Variants in CEP128 observed in about 807,000 individuals in gnomAD.
The protein encoded by CEP128 is centrosomal protein 128, also known as centrosomal protein 128kDa.
CEP128 carries 132 observed loss-of-function variants against 156.7 expected under a neutral mutation model. That is an observed-to-expected ratio of 0.84 (90% confidence interval 0.73 to 0.97). The LOEUF (loss-of-function observed/expected upper bound fraction) is 0.97, where lower values mean the gene tolerates loss of function less well. Ranked by LOEUF, CEP128 falls within the 50% of genes least tolerant of loss-of-function variation. The pLI is 0.00. For missense variants in CEP128, 1,252 were observed against 1,281.9 expected (o/e 0.98, Z 0.36); for synonymous variants, 469 against 448.9 (o/e 1.04, Z -0.57).
At chr14:80,742,638 C>CACCCA (rs1240595117) in intron 19 of CEP128, 1 of 160,384 alleles carries the variant, frequency 6.2e-6, no homozygotes, top group Non-Finnish European at 1.4e-5. Context: ...TGTATATCTC[C>CACCCA]ACCCAATAAA....
intron 19 of CEP128, among the ~76,000 whole-genome samples, chr14:80,658,316 T>C (rs1178879480): frequency 1.3e-5 from 2 of 152,188 alleles, no homozygotes; most frequent in Admixed American, 1.3e-4. Context: ...TTTGTTGCTG[T>C]TGTTTTCAGG....
At chr14:80,832,792 T>C (rs1218002475) in intron 12 of CEP128, among the ~76,000 whole-genome samples, 1 of 152,250 alleles carries the variant, frequency 6.6e-6, no homozygotes, top group African/African-American at 2.4e-5. Flanking sequence ...AAGTAGCTAA[T>C]ACATCTCATA....
At chr14:80,676,928 T>A (rs1225402496) in intron 19 of CEP128, among the ~76,000 whole-genome samples, 1 of 152,164 alleles carries the variant, frequency 6.6e-6, no homozygotes, top group African/African-American at 2.4e-5. Flanking sequence ...ACATTTATGA[T>A]TGTGAATGAA....
At chr14:80,529,484 C>T (rs1405395747) in intron 22 of CEP128, among the ~76,000 whole-genome samples, 2 of 152,076 alleles carry the variant, frequency 1.3e-5, no homozygotes, top group Admixed American at 6.5e-5. Context: ...ACATTCTGTT[C>T]ATTGTAGACA....
chr14:80,860,864 G>A (rs1373762768), intron 9 of CEP128, among the ~76,000 whole-genome samples: 2 of 151,850 alleles, frequency 1.3e-5, no homozygotes, highest in Non-Finnish European at 1.5e-5. Context: ...AAAGATTAAC[G>A]ATCTACAAGC....
intron 11 of CEP128, 149 bp from the exon 12 acceptor site, chr14:80,836,486 A>T: frequency 1.3e-6 from 1 of 764,042 alleles, no homozygotes; most frequent in South Asian, 1.8e-5. Context: ...CATTCCTCTC[A>T]TCTCTTCCAC....
intron 3 of CEP128, among the ~76,000 whole-genome samples, chr14:80,915,529 T>C (rs571503334): frequency 6.6e-6 from 1 of 152,258 alleles, no homozygotes; most frequent in African/African-American, 2.4e-5. Context: ...TTTCTTTTTT[T>C]CCCCTATAGC....
chr14:80,614,935 T>G (rs1236632493), intron 19 of CEP128, among the ~76,000 whole-genome samples: 1 of 152,218 alleles, frequency 6.6e-6, no homozygotes, highest in South Asian at 2.1e-4. Context: ...GGTTATCAAA[T>G]GTACAGCTCA....
chr14:80,922,545 T>C (rs1884924779), intron 2 of CEP128, among the ~76,000 whole-genome samples: 1 of 152,212 alleles, frequency 6.6e-6, no homozygotes, highest in Non-Finnish European at 1.5e-5. Flanking sequence ...TATATTAATG[T>C]GTACCAACAT....
At position 80,899,839 on chromosome 14, in the gene CEP128, C is replaced by G. The variant is rs79886699; in HGVS notation, c.572+99G>C. ...AATTTTAAGGTACTGTATACAAACACAACATTTTTTAAAAATCTAGATAAA... is the reference window on the plus strand; with the variant it reads ...AATTTTAAGGTACTGTATACAAACAGAACATTTTTTAAAAATCTAGATAAA... On this transcript the variant is annotated intron_variant, in intron 7 of 24. Transcript: ENST00000555265. 6.2e-3 allele frequency: 5,269 copies of G among 850,070 alleles called. 23 individuals are homozygous for G. Among genetic ancestry groups the G allele is most frequent in the Non-Finnish European group, 8.3e-3 (4,383 of 525,700 alleles). The allele number at this position is 850,070 out of a possible 1,614,324, so 52.7% of individuals were successfully genotyped here.
Position 80,728,217 on chromosome 14 carries a change from T to C in CEP128, c.2806+14858A>G, listed in dbSNP as rs537739501. ...TCCTTTGCAGCAACATGTATGCAGC[T>C]AGAGGCTGTAATCCTAAATTATCCT... On this transcript the variant is annotated intron_variant, in intron 19 of 24. Transcript: ENST00000555265. Among the ~76,000 whole-genome samples, 3 of 152,346 alleles carry C rather than the reference T, an allele frequency of 2.0e-5. No individual in the cohort carries two copies. In the South Asian group the frequency reaches 6.2e-4, roughly 32 times the overall value.
At chr14:80,680,347 C>T (rs190733688) in intron 19 of CEP128, among the ~76,000 whole-genome samples, 3 of 152,270 alleles carry the variant, frequency 2.0e-5, no homozygotes, top group East Asian at 1.9e-4. Context: ...GTATTTGGAG[C>T]ACCCACTTGC....
intron 18 of CEP128, among the ~76,000 whole-genome samples, chr14:80,745,416 A>G (rs1232423358): frequency 6.6e-6 from 1 of 152,192 alleles, no homozygotes; most frequent in Admixed American, 6.5e-5. Context: ...TACAATGATC[A>G]AGTGGAAGTT....
downstream of CEP128, among the ~76,000 whole-genome samples, chr14:80,487,536 T>G (rs574458627): frequency 6.6e-6 from 1 of 152,274 alleles, no homozygotes; most frequent in African/African-American, 2.4e-5. Context: ...CTAATAGACA[T>G]CTGCAGAACT....
At chr14:80,541,603 A>G (rs968752875) in intron 21 of CEP128, among the ~76,000 whole-genome samples, 2 of 151,878 alleles carry the variant, frequency 1.3e-5, no homozygotes, top group Admixed American at 1.3e-4. Flanking sequence ...TTTTCACCTT[A>G]TAACTGGCCT....
chr14:80,725,316 G>A (rs7144020), intron 19 of CEP128, among the ~76,000 whole-genome samples: 3,035 of 151,634 alleles, frequency 0.02, 109 homozygotes, highest in African/African-American at 0.069. Context: ...CCAAGTAGCT[G>A]GGATTACAAG....
chr14:80,567,661 C>G (rs1422000414), intron 20 of CEP128, among the ~76,000 whole-genome samples: 1 of 152,080 alleles, frequency 6.6e-6, no homozygotes, highest in Non-Finnish European at 1.5e-5. Context: ...AAATGAAGGG[C>G]AAGAGACAGA....
chr14:80,819,851 G>C (rs1002112538), intron 13 of CEP128, among the ~76,000 whole-genome samples: 1 of 151,914 alleles, frequency 6.6e-6, no homozygotes, highest in Non-Finnish European at 1.5e-5. Context: ...ATTCTTAACA[G>C]GCCTTAAATC....
chr14:80,580,531 G>A, intron 19 of CEP128, 108 bp from the exon 20 acceptor site: 2 of 672,946 alleles, frequency 3.0e-6, no homozygotes, highest in Admixed American at 2.2e-5. Flanking sequence ...TGCCTGAGAA[G>A]AGAATTTAAT....
Sources: allele counts gnomAD v4.1 joint callset (sites outside exome capture counted in the v4.1 genomes callset), GRCh38; gene constraint gnomAD v4.1.1; transcripts MANE v1.5; gene names NCBI Gene and HGNC (gene_info 2026-07-23, HGNC 2026-07-21).